CDH4: variants seen among roughly 807,000 people sequenced by gnomAD.
The protein encoded by CDH4 is cadherin 4.
In CDH4, 33 loss-of-function variants were observed where a neutral mutation model predicts 86.0. The observed-to-expected ratio is 0.38, with a 90% CI of 0.29 to 0.51. The LOEUF (loss-of-function observed/expected upper bound fraction) is 0.51, where lower values mean the gene tolerates loss of function less well. Ranked by LOEUF, CDH4 falls within the 20% of genes least tolerant of loss-of-function variation. The probability of loss-of-function intolerance (pLI) is 0.86; values close to 1 mark genes in which losing one functional copy is unlikely to be tolerated. For synonymous variants in CDH4, 555 were observed against 549.4 expected (o/e 1.01, Z -0.14); for missense variants, 1,114 against 1,307.4 (o/e 0.85, Z 2.28).
At chr20:61,772,515 A>AT (rs914537453) in intron 3 of CDH4, among the ~76,000 whole-genome samples, 2 of 152,106 alleles carry the variant, frequency 1.3e-5, no homozygotes, top group African/African-American at 4.8e-5. Context: ...ATTCCATTTG[A>AT]TTTTTTTATT....
intron 2 of CDH4, among the ~76,000 whole-genome samples, chr20:61,488,301 T>C (rs529095401): frequency 1.3e-5 from 2 of 152,230 alleles, no homozygotes; most frequent in Non-Finnish European, 2.9e-5. Flanking sequence ...ACAACAGAGC[T>C]TCCTGCCTTT....
intron 7 of CDH4, among the ~76,000 whole-genome samples, chr20:61,874,458 A>G (rs1488211801): frequency 6.6e-6 from 1 of 152,136 alleles, no homozygotes. Flanking sequence ...CTGCGGTCCT[A>G]CGAGGCTTTT....
At chr20:61,733,701 G>C (rs2088224588) in intron 2 of CDH4, among the ~76,000 whole-genome samples, 1 of 151,238 alleles carries the variant, frequency 6.6e-6, no homozygotes, top group South Asian at 2.1e-4. Flanking sequence ...AAAGAAGAAA[G>C]AAAGAATGAA....
chr20:61,304,280 T>C (rs1297350970), intron 2 of CDH4, among the ~76,000 whole-genome samples: 1 of 131,550 alleles, frequency 7.6e-6, no homozygotes, highest in Non-Finnish European at 1.7e-5. Context: ...CAACCCCCCG[T>C]TCTTTGGTGT....
At chr20:61,381,758 A>G (rs1471069064) in intron 2 of CDH4, among the ~76,000 whole-genome samples, 2 of 152,258 alleles carry the variant, frequency 1.3e-5, no homozygotes, top group Non-Finnish European at 2.9e-5. Context: ...TGATCACATG[A>G]CACCTTTCAG....
intron 2 of CDH4, among the ~76,000 whole-genome samples, chr20:61,389,285 C>T (rs2084968228): frequency 6.6e-6 from 1 of 152,212 alleles, no homozygotes. Flanking sequence ...CATGTGGCGG[C>T]CTGTCTCAGA....
intron 2 of CDH4, among the ~76,000 whole-genome samples, chr20:61,473,009 G>T (rs6121400): frequency 0.01 from 1,555 of 152,236 alleles, 31 homozygotes; most frequent in African/African-American, 0.036. Flanking sequence ...CTGTACTCTG[G>T]TGGGGCAGGG....
chr20:61,664,453 G>T (rs1309109425), intron 2 of CDH4, among the ~76,000 whole-genome samples: 1 of 152,218 alleles, frequency 6.6e-6, no homozygotes, highest in East Asian at 1.9e-4. Flanking sequence ...GAACACCGCG[G>T]CCTTTGCAGC....
At chr20:61,895,228 A>G (rs570754916) in intron 8 of CDH4, among the ~76,000 whole-genome samples, 181 bp downstream of exon 8, 1 of 152,346 alleles carries the variant, frequency 6.6e-6, no homozygotes, top group African/African-American at 2.4e-5. Flanking sequence ...TGATGTGCGC[A>G]GTAGGAGAGA....
intron 3 of CDH4, among the ~76,000 whole-genome samples, chr20:61,770,756 G>A (rs1028432017): frequency 2.0e-5 from 3 of 151,884 alleles, no homozygotes; most frequent in Non-Finnish European, 2.9e-5. Flanking sequence ...GGTGGCGGGC[G>A]CCTGTAGTCC....
At chr20:61,735,406 C>T (rs1057064079) in intron 2 of CDH4, among the ~76,000 whole-genome samples, 1 of 152,234 alleles carries the variant, frequency 6.6e-6, no homozygotes, top group Non-Finnish European at 1.5e-5. Flanking sequence ...TTAGTGCTCA[C>T]TCCCCCACCC....
intron 2 of CDH4, among the ~76,000 whole-genome samples, chr20:61,698,660 A>G (rs996113533): frequency 6.6e-6 from 1 of 152,216 alleles, no homozygotes; most frequent in East Asian, 1.9e-4. Flanking sequence ...GGTGCTGCCG[A>G]CATGTGGGGC....
chr20:61,257,263 C>G (rs558174518), intron 2 of CDH4, among the ~76,000 whole-genome samples: 1 of 152,314 alleles, frequency 6.6e-6, no homozygotes, highest in Admixed American at 6.5e-5. Context: ...CCCAAACATA[C>G]AGATTCCAGC....
chr20:61,831,941 C>T (rs144584793), intron 4 of CDH4, among the ~76,000 whole-genome samples: 4 of 152,372 alleles, frequency 2.6e-5, no homozygotes, highest in African/African-American at 4.8e-5. Flanking sequence ...CTGGAAGCCT[C>T]GGGCCTGGGC....
intron 2 of CDH4, among the ~76,000 whole-genome samples, chr20:61,302,338 T>G (rs1163992284): frequency 6.6e-6 from 1 of 152,232 alleles, no homozygotes; most frequent in Non-Finnish European, 1.5e-5. Flanking sequence ...GTCTGCCAAT[T>G]CATTATGCGT....
intron 2 of CDH4, among the ~76,000 whole-genome samples, chr20:61,404,716 C>CT (rs771836471): frequency 2.1e-3 from 297 of 143,032 alleles, no homozygotes; most frequent in Middle Eastern, 0.011. Context: ...AATATTTAGG[C>CT]TTTTTTTTTT....
At position 61,253,202 on chromosome 20, in the gene CDH4, G is replaced by C. The variant is rs1279726247; in HGVS notation, c.57+632G>C. On this transcript the variant is annotated intron_variant, in intron 1 of 15. Transcript: ENST00000614565. ...CGGCGGGGCTGGAGCCTGCGTGTCCGGCGGGGCCCCGGGGGCTGGGAGCTG... is the reference window on the plus strand; with the variant it reads ...CGGCGGGGCTGGAGCCTGCGTGTCCCGCGGGGCCCCGGGGGCTGGGAGCTG... Among the ~76,000 whole-genome samples the C allele has an allele frequency of 4.0e-5, 6 of 151,272 alleles. No individual in the cohort carries two copies. The East Asian group carries it at 9.7e-4, about 24-fold the overall frequency.
chr20:61,936,785 C>G lies in CDH4; in HGVS notation c.2593C>G (p.Leu865Val). Residue 865 changes from leucine (L) to valine (V), a missense_variant, in exon 16 of 16, where the codon CTG (leucine) becomes GTG (valine). Physicochemically the swap from Leu to Val is conservative, Grantham distance 32. This residue lies in a region of CDH4 where 188 missense variants were observed against 183.8 expected (regional missense o/e 1.02). Transcript: ENST00000614565. ...NDPTAPPYDS[L>V]LVFDYEGSGS... is the part of the protein sequence containing the mutation. ...CCCCACGGCACCCCCCTATGACTCC[C>G]TGCTGGTCTTCGACTACGAGGGGAG... The G allele has an allele frequency of 6.2e-7, 1 of 1,610,732 alleles. No homozygotes were observed. Among genetic ancestry groups the G allele is most frequent in the Non-Finnish European group, 8.5e-7 (1 of 1,179,138 alleles).
intron 2 of CDH4, among the ~76,000 whole-genome samples, chr20:61,648,467 C>T (rs566517620): frequency 1.3e-5 from 2 of 152,322 alleles, no homozygotes; most frequent in East Asian, 1.9e-4. Context: ...GAGGCACACC[C>T]GGGTCCGCAG....
Sources: gnomAD v4.1 joint callset for allele counts (sites outside exome capture counted in the v4.1 genomes callset) on GRCh38, gnomAD v4.1.1 for gene constraint, gnomAD v4.1.1 regional missense constraint, MANE v1.5 for transcripts, NCBI Gene and HGNC (gene_info 2026-07-23, HGNC 2026-07-21) for gene names.